Variants in RNF180 observed in about 807,000 individuals in gnomAD.
RNF180 encodes ring finger protein 180.
In RNF180, 38 loss-of-function variants were observed where a neutral mutation model predicts 59.2. That is an observed-to-expected ratio of 0.64 (90% CI 0.50 to 0.84). The LOEUF is 0.84. Ranked by LOEUF, RNF180 falls within the 40% of genes least tolerant of loss-of-function variation. The probability of loss-of-function intolerance (pLI) is 0.00; values close to 1 mark genes in which losing one functional copy is unlikely to be tolerated. For synonymous variants in RNF180, 262 were observed against 240.3 expected, an observed-to-expected ratio of 1.09 and a Z score of -0.84; for missense variants, 705 against 700.9, an observed-to-expected ratio of 1.01 and a Z score of -0.07.
intron 7 of RNF180, among the ~76,000 whole-genome samples, chr5:64,364,608 G>GTCTC (rs1420510142): frequency 1.3e-5 from 2 of 151,558 alleles, no homozygotes; most frequent in Non-Finnish European, 3.0e-5. Context: ...TTGGGAAGGA[G>GTCTC]TCTCTCCTCA....
rs1039648958 is a variant in RNF180, at chr5:64,188,081, T to G, written c.1-12727T>G. Among the ~76,000 whole-genome samples the G allele has an allele frequency of 6.6e-5, 10 of 152,282 alleles. No individual in the cohort carries two copies. The South Asian group carries it at 2.1e-3, about 32-fold the overall frequency. On this transcript the variant is annotated intron_variant, in intron 1 of 7. Transcript: ENST00000389100. ...TCAATATCAGTAGGGTGAGCTGACA[T>G]GTAATTAGTTTTACAAAATAATTAA...
chr5:64,325,055 C>G (rs1744565794), intron 5 of RNF180, 131 bp from the exon 6 acceptor site: 1 of 610,078 alleles, frequency 1.6e-6, no homozygotes, highest in South Asian at 2.2e-5. Context: ...GGTAGCATTT[C>G]TGGCACTTTG....
chr5:64,249,818 A>G (rs1202299198), intron 5 of RNF180, among the ~76,000 whole-genome samples: 1 of 152,222 alleles, frequency 6.6e-6, no homozygotes, highest in Non-Finnish European at 1.5e-5. Flanking sequence ...ACACCTAAGT[A>G]TATAAAGTAA....
chr5:64,225,258 CT>C (rs1741610300), intron 5 of RNF180, among the ~76,000 whole-genome samples: 1 of 152,206 alleles, frequency 6.6e-6, no homozygotes, highest in Non-Finnish European at 1.5e-5. Flanking sequence ...GAAAAACTAT[CT>C]TTTTTTCATT....
chr5:64,209,420 AAGT>A (rs978092260), intron 2 of RNF180, among the ~76,000 whole-genome samples: 3 of 151,956 alleles, frequency 2.0e-5, no homozygotes, highest in African/African-American at 7.2e-5. Flanking sequence ...GTAAAATAAG[AAGT>A]AGGACAGTGA....
intron 5 of RNF180, among the ~76,000 whole-genome samples, chr5:64,253,575 A>C (rs1234855673): frequency 1.3e-5 from 2 of 152,174 alleles, no homozygotes; most frequent in African/African-American, 4.8e-5. Context: ...AATCTGATTT[A>C]GTTTCTCTGG....
In RNF180 at chr5:64,347,046, ACT is replaced by A. The variant is rs1372321981; in HGVS notation, c.1579+16643_1579+16644del. Among the ~76,000 whole-genome samples the A allele has an allele frequency of 2.0e-5, 3 of 152,272 alleles. No individual in the cohort carries two copies. The East Asian group carries it at 5.8e-4, about 29-fold the overall frequency. ...TTTGCCTTATACCGAAATAAAGTTA[ACT>A]CTGGCATATAATGATACTTTAATAG... is the stretch of plus-strand genomic sequence containing the variant. On this transcript the variant is annotated intron_variant, in intron 7 of 7. Transcript: ENST00000389100.
intron 1 of RNF180, among the ~76,000 whole-genome samples, chr5:64,191,165 T>A (rs376598505): frequency 6.6e-6 from 1 of 152,164 alleles, no homozygotes; most frequent in East Asian, 1.9e-4. Context: ...ATAGAAAAAA[T>A]GAGCAGAAAG....
At chr5:64,258,973 C>T (rs994136423) in intron 5 of RNF180, among the ~76,000 whole-genome samples, 5 of 152,100 alleles carry the variant, frequency 3.3e-5, no homozygotes, top group African/African-American at 1.2e-4. Flanking sequence ...TAAGTGATAG[C>T]AGACAAGAGG....
chr5:64,339,689 G>C (rs375129662), intron 7 of RNF180, among the ~76,000 whole-genome samples: 1 of 151,528 alleles, frequency 6.6e-6, no homozygotes, highest in Non-Finnish European at 1.5e-5. Context: ...CACAAAATTA[G>C]TGGGTTTTTT....
At position 64,174,421 on chromosome 5, in the gene RNF180, C is replaced by A. The variant is rs1003827024; in HGVS notation, c.-1+8468C>A. 2.0e-5 allele frequency among the ~76,000 whole-genome samples: 3 copies of A among 152,162 alleles called. No individual in the cohort carries two copies. In the South Asian group the frequency reaches 6.2e-4, roughly 31 times the overall value. On this transcript the variant is annotated intron_variant, in intron 1 of 7. Transcript: ENST00000389100. ...TGGCTGGACAAATTTACATTCCCAC[C>A]AACAGTATGTAAGAATTCCTCGTTC...
intron 5 of RNF180, among the ~76,000 whole-genome samples, chr5:64,227,556 C>G (rs1348822785): frequency 6.6e-6 from 1 of 152,176 alleles, no homozygotes; most frequent in South Asian, 2.1e-4. Flanking sequence ...AGGGGCCCCT[C>G]CATTTGTACT....
At chr5:64,210,252 G>C (rs1440206132) in intron 2 of RNF180, among the ~76,000 whole-genome samples, 1 of 152,114 alleles carries the variant, frequency 6.6e-6, no homozygotes, top group Admixed American at 6.6e-5. Flanking sequence ...ACCACATTTT[G>C]TGAAATACTC....
At chr5:64,244,939 A>G (rs748479791) in intron 5 of RNF180, among the ~76,000 whole-genome samples, 2 of 152,244 alleles carry the variant, frequency 1.3e-5, no homozygotes, top group Non-Finnish European at 2.9e-5. Flanking sequence ...AATATTCAAC[A>G]TTCTTAAAGA....
intron 5 of RNF180, among the ~76,000 whole-genome samples, chr5:64,241,397 TC>T (rs1242801995): frequency 2.0e-5 from 3 of 152,220 alleles, no homozygotes; most frequent in African/African-American, 7.2e-5. Flanking sequence ...ATGTGGCTGA[TC>T]CAGACACCTT....
chr5:64,270,388 T>C (rs1741327679), intron 5 of RNF180, among the ~76,000 whole-genome samples: 1 of 152,192 alleles, frequency 6.6e-6, no homozygotes, highest in African/African-American at 2.4e-5. Context: ...TGTATAGTCA[T>C]CTAAACAATA....
intron 5 of RNF180, among the ~76,000 whole-genome samples, chr5:64,302,250 A>G (rs6449707): frequency 0.45 from 68,033 of 151,434 alleles, 16,689 homozygotes; most frequent in African/African-American, 0.65. Flanking sequence ...AAGCACACAA[A>G]AGTCGCTGGT....
intron 7 of RNF180, among the ~76,000 whole-genome samples, chr5:64,365,430 A>G (rs1248314964): frequency 3.3e-5 from 5 of 151,692 alleles, no homozygotes; most frequent in Non-Finnish European, 4.4e-5. Context: ...TGTGTGGTCA[A>G]TTTTAGAGTA....
chr5:64,325,609 A>G (rs1334045126), intron 6 of RNF180, among the ~76,000 whole-genome samples, 198 bp downstream of exon 6: 4 of 152,164 alleles, frequency 2.6e-5, no homozygotes, highest in Non-Finnish European at 5.9e-5. Context: ...CGAATTCCCT[A>G]CTGTACACTC....
Sources: gnomAD v4.1 joint callset for allele counts (sites outside exome capture counted in the v4.1 genomes callset) on GRCh38, gnomAD v4.1.1 for gene constraint, MANE v1.5 for transcripts, NCBI Gene and HGNC (gene_info 2026-07-23, HGNC 2026-07-21) for gene names.